MGAT4C: variants seen among roughly 807,000 people sequenced by gnomAD.
MGAT4C encodes alpha-1,3-mannosyl-glycoprotein 4-beta-N-acetylglucosaminyltransferase C.
A neutral mutation model predicts 40.1 loss-of-function variants in MGAT4C; 19 were observed. The ratio of observed to expected loss-of-function variants is 0.47; its 90% CI spans 0.33 to 0.70. The LOEUF (loss-of-function observed/expected upper bound fraction) is 0.70, where lower values mean the gene tolerates loss of function less well. MGAT4C is among the 30% of genes least tolerant of loss of function. The probability of loss-of-function intolerance (pLI) is 0.02; values close to 1 mark genes in which losing one functional copy is unlikely to be tolerated. For synonymous variants in MGAT4C, 181 were observed against 187.1 expected, an observed-to-expected ratio of 0.97 and a Z score of 0.27; for missense variants, 491 against 563.2, an observed-to-expected ratio of 0.87 and a Z score of 1.30.
At position 86,344,717 on chromosome 12, in the gene MGAT4C, GGTGTGTGTGTGTGTGTGT is replaced by G. The variant is rs71076188; in HGVS notation, c.-119-10608_-119-10591del. 1.5e-4 allele frequency among the ~76,000 whole-genome samples: 21 copies of G among 139,522 alleles called. No homozygotes were observed. The East Asian group carries it at 3.9e-3, about 26-fold the overall frequency. The allele number at this position is 139,522 out of a possible 152,430, so 91.5% of individuals were successfully genotyped here. A position where few individuals can be genotyped will look rare whatever the true frequency, so the allele number is the denominator to read the frequency against. On this transcript the variant is annotated intron_variant, in intron 3 of 7. Transcript: ENST00000548651. ...CAGCAATATAGTTCTATCTCTTCTCGGTGTGTGTGTGTGTGTGTGTGTGTGTGTGTGTGTGTGTATGTG... is the reference window on the plus strand; with the variant it reads ...CAGCAATATAGTTCTATCTCTTCTCGGTGTGTGTGTGTGTGTGTGTATGTG...
chr12:85,991,066 T>C (rs1234232810), intron 2 of MGAT4C, among the ~76,000 whole-genome samples: 2 of 152,140 alleles, frequency 1.3e-5, no homozygotes, highest in Admixed American at 6.5e-5. Flanking sequence ...GTGAGCAAGA[T>C]GAAGAGGAGC....
rs111487428 is a variant in MGAT4C, at chr12:86,543,142, C to A, written c.-228-107877G>T. On this transcript the variant is annotated intron_variant, in intron 2 of 7. Transcript: ENST00000548651. ...GGGTTCTGTTTTATATGATTAAGAG[C>A]GTTGATGAGTAAATTTTTCACACAC... is the stretch of plus-strand genomic sequence containing the variant. Among the ~76,000 whole-genome samples the A allele has an allele frequency of 3.3e-3, 499 of 151,634 alleles. 1 individual carries two copies. The highest frequency in any genetic ancestry group is 0.012 in the African/African-American group (482 of 41,368).
intron 1 of MGAT4C, among the ~76,000 whole-genome samples, chr12:86,753,676 TA>T (rs573515494): frequency 4.0e-5 from 6 of 151,824 alleles, no homozygotes; most frequent in Admixed American, 3.3e-4. Context: ...ACTTCAATAT[TA>T]AAAAAAACCT....
chr12:86,683,358 C>T (rs1950016665), intron 2 of MGAT4C, among the ~76,000 whole-genome samples: 1 of 152,010 alleles, frequency 6.6e-6, no homozygotes, highest in African/African-American at 2.4e-5. Flanking sequence ...AAAACAGATT[C>T]CAAGAAATAA....
At chr12:86,481,574 T>A (rs1957938349) in intron 2 of MGAT4C, among the ~76,000 whole-genome samples, 1 of 152,066 alleles carries the variant, frequency 6.6e-6, no homozygotes, top group African/African-American at 2.4e-5. Context: ...TACATATACA[T>A]AAAGAATTAG....
intron 2 of MGAT4C, among the ~76,000 whole-genome samples, chr12:86,024,909 T>C (rs929425803): frequency 2.0e-5 from 3 of 149,064 alleles, no homozygotes; most frequent in African/African-American, 7.4e-5. Flanking sequence ...CCCGAACTAG[T>C]TTTTTTTTTC....
upstream of MGAT4C, among the ~76,000 whole-genome samples, chr12:86,258,318 T>G (rs1266601614): frequency 3.4e-5 from 5 of 148,164 alleles, no homozygotes; most frequent in African/African-American, 1.3e-4. Context: ...TATCTATCTA[T>G]CTATCTATCT....
chr12:86,343,395 T>C (rs1279575381), intron 3 of MGAT4C, among the ~76,000 whole-genome samples: 1 of 152,194 alleles, frequency 6.6e-6, no homozygotes, highest in Non-Finnish European at 1.5e-5. Context: ...AAAGCATTTT[T>C]CTCCTCCCTT....
intron 1 of MGAT4C, among the ~76,000 whole-genome samples, chr12:86,056,507 G>A (rs747020581): frequency 5.3e-5 from 8 of 152,272 alleles, no homozygotes; most frequent in Non-Finnish European, 1.0e-4. Flanking sequence ...TCTTGTGGTA[G>A]TTTGCTCAGA....
intron 2 of MGAT4C, among the ~76,000 whole-genome samples, chr12:86,645,665 T>TA (rs1392765428): frequency 1.3e-5 from 2 of 151,830 alleles, no homozygotes; most frequent in Non-Finnish European, 2.9e-5. Flanking sequence ...AAATCTGTTT[T>TA]AAAATTTTAC....
At chr12:86,522,098 T>A (rs1235594214) in intron 2 of MGAT4C, among the ~76,000 whole-genome samples, 1 of 152,146 alleles carries the variant, frequency 6.6e-6, no homozygotes, top group Non-Finnish European at 1.5e-5. Flanking sequence ...CTTTATCTCT[T>A]TCTGTTGCCT....
intron 1 of MGAT4C, among the ~76,000 whole-genome samples, chr12:86,132,478 T>C: frequency 6.6e-6 from 1 of 152,122 alleles, no homozygotes; most frequent in East Asian, 1.9e-4. Flanking sequence ...CTGTAGAAAC[T>C]TTCTTGTAAT....
intron 2 of MGAT4C, among the ~76,000 whole-genome samples, chr12:86,589,398 G>C (rs1961220866): frequency 6.6e-6 from 1 of 152,096 alleles, no homozygotes; most frequent in South Asian, 2.1e-4. Flanking sequence ...AGCTGAAATT[G>C]TGGCAATAAT....
At chr12:86,154,833 A>G (rs909693540) in intron 1 of MGAT4C, among the ~76,000 whole-genome samples, 57 of 152,270 alleles carry the variant, frequency 3.7e-4, no homozygotes, top group African/African-American at 1.3e-3. Context: ...AGAGCTTCCC[A>G]CGTGCCTGAT....
intron 1 of MGAT4C, among the ~76,000 whole-genome samples, chr12:86,821,673 G>A (rs372970116): frequency 3.3e-5 from 5 of 150,866 alleles, no homozygotes; most frequent in African/African-American, 1.2e-4. Context: ...CACCAGGGAG[G>A]TTTCATTATA....
At chr12:86,237,142 C>T (rs1951589691) in intron 1 of MGAT4C, among the ~76,000 whole-genome samples, 2 of 151,542 alleles carry the variant, frequency 1.3e-5, no homozygotes. Flanking sequence ...AACACACACA[C>T]ACCACACATA....
chr12:86,518,954 T>G (rs1592944813), intron 2 of MGAT4C, among the ~76,000 whole-genome samples: 1 of 152,292 alleles, frequency 6.6e-6, no homozygotes, highest in East Asian at 1.9e-4. Context: ...GAATACAGAT[T>G]GCATTATTCT....
rs894055636 is a variant in MGAT4C at position 86,459,668 on chromosome 12, G to A, written c.-228-24403C>T. ...AAAAGAAGCCCCCCCAACCTTCCCC[G>A]CCCCCACTCACCCACAGCTTTACCC... On this transcript the variant is annotated intron_variant, in intron 2 of 7. Coordinates refer to the MGAT4C transcript ENST00000548651. Among the ~76,000 whole-genome samples, 112 of 16,622 alleles carry A rather than the reference G, an allele frequency of 6.7e-3. 2 individuals are homozygous for A. The South Asian group carries it at 0.12, about 18-fold the overall frequency. 10.9% of individuals were successfully genotyped at this position (16,622 alleles called of 152,430 possible).
chr12:86,255,851 A>G (rs1243706386), intron 1 of MGAT4C, among the ~76,000 whole-genome samples: 1 of 152,130 alleles, frequency 6.6e-6, no homozygotes, highest in African/African-American at 2.4e-5. Flanking sequence ...AGTCTACAGC[A>G]ACACTACTTG....
Sources: gnomAD v4.1 joint callset for allele counts (sites outside exome capture counted in the v4.1 genomes callset) on GRCh38, gnomAD v4.1.1 for gene constraint, MANE v1.5 for transcripts, NCBI Gene and HGNC (gene_info 2026-07-23, HGNC 2026-07-21) for gene names.